DDX60L: variants seen among roughly 807,000 people sequenced by gnomAD.
DDX60L encodes DExD/H-box 60 like.
A neutral mutation model predicts 211.6 loss-of-function variants in DDX60L; 191 were observed. The ratio of observed to expected loss-of-function variants is 0.90; its 90% CI spans 0.80 to 1.02. The LOEUF (loss-of-function observed/expected upper bound fraction) is 1.02, where lower values mean the gene tolerates loss of function less well. Among genes scored for constraint, DDX60L ranks in the 50% least tolerant of loss-of-function variants. The pLI is 0.00. For synonymous variants in DDX60L, 706 were observed against 694.1 expected (o/e 1.02, Z -0.27); for missense variants, 2,007 against 1,984.1 (o/e 1.01, Z -0.22).
chr4:168,449,665 A>AAAAAAAAAAAAAAAAAAAAAAAT (rs1755474696), intron 8 of DDX60L, among the ~76,000 whole-genome samples: 1 of 28,500 alleles, frequency 3.5e-5, no homozygotes. Context: ...AAAAAAAAAA[A>AAAAAAAAAAAAAAAAAAAAAAAT]GAAAAAAGAA....
chr4:168,404,734 C>T lies in DDX60L; in HGVS notation c.3214-628G>A, dbSNP rs1314010491. On this transcript the variant is annotated intron_variant, in intron 24 of 37. Coordinates refer to ENST00000682922, the MANE Select transcript of DDX60L (RefSeq NM_001012967.3). ...ATAATTTTTTTATAAACAGCATCTACCTCTTTTTTAATCAGAAAAAATAAA... is the reference window on the plus strand; with the variant it reads ...ATAATTTTTTTATAAACAGCATCTATCTCTTTTTTAATCAGAAAAAATAAA... Among the ~76,000 whole-genome samples the T allele has an allele frequency of 2.6e-5, 4 of 152,160 alleles. No homozygotes were observed. In the East Asian group the frequency reaches 5.8e-4, roughly 22 times the overall value.
At chr4:168,368,931 G>T (rs1487114983) in intron 36 of DDX60L, among the ~76,000 whole-genome samples, 2 of 152,174 alleles carry the variant, frequency 1.3e-5, no homozygotes, top group East Asian at 3.8e-4. Context: ...CTGTATCTAG[G>T]AAGTAACTAA....
At chr4:168,370,494 G>A (rs1044697640) in intron 36 of DDX60L, among the ~76,000 whole-genome samples, 6 of 152,102 alleles carry the variant, frequency 3.9e-5, no homozygotes, top group African/African-American at 7.2e-5. Flanking sequence ...GTAGATAGGA[G>A]GAATAAGTTC....
chr4:168,424,178 GAC>G (rs1266478489), intron 14 of DDX60L, among the ~76,000 whole-genome samples: 1 of 152,136 alleles, frequency 6.6e-6, no homozygotes, highest in East Asian at 1.9e-4. Context: ...TTAGATGCCT[GAC>G]CAAAACATGA....
At position 168,471,728 on chromosome 4, in the gene DDX60L, A is replaced by T. The variant is rs747975851; in HGVS notation, c.264+19T>A. 2 of 1,569,756 alleles carry T rather than the reference A, an allele frequency of 1.3e-6. No homozygotes were observed. Among genetic ancestry groups the T allele is most frequent in the South Asian group, 2.4e-5 (2 of 83,430 alleles). ...ATAGTCTTCAAAGGACTAAAACGAC[A>T]TCAATCATCATATATTACCTTAAAG... On this transcript the variant is annotated intron_variant, in intron 4 of 37. Transcript: ENST00000682922.
intron 19 of DDX60L, 72 bp downstream of exon 19, chr4:168,419,230 T>C: frequency 9.3e-7 from 1 of 1,079,068 alleles, no homozygotes; most frequent in Non-Finnish European, 1.3e-6. Context: ...AAAAGCCCTA[T>C]ATTCTTTAAA....
intron 4 of DDX60L, among the ~76,000 whole-genome samples, chr4:168,463,178 C>T (rs1195472939): frequency 6.6e-6 from 1 of 152,162 alleles, no homozygotes; most frequent in Non-Finnish European, 1.5e-5. Context: ...AAGACACATG[C>T]ACGCATATGT....
chr4:168,411,565 G>A lies in DDX60L; in HGVS notation c.2979+3843C>T, dbSNP rs145844652. 4.4e-3 allele frequency among the ~76,000 whole-genome samples: 663 copies of A among 152,256 alleles called. 6 individuals carry two copies. The highest frequency in any genetic ancestry group is 0.016 in the African/African-American group (644 of 41,538). ...AGGAGAACTGCCCATCCCAGCAGTCGAAACCTGACTTCCAGGATGGGTAAT... is the reference window on the plus strand; with the variant it reads ...AGGAGAACTGCCCATCCCAGCAGTCAAAACCTGACTTCCAGGATGGGTAAT... On this transcript the variant is annotated intron_variant, in intron 22 of 37. Transcript: ENST00000682922.
intron 35 of DDX60L, among the ~76,000 whole-genome samples, chr4:168,372,531 G>C (rs1324495510): frequency 8.4e-6 from 1 of 118,592 alleles, no homozygotes; most frequent in Non-Finnish European, 1.8e-5. Context: ...TTCAAGATCA[G>C]ACTGGGCAAT....
chr4:168,408,653 T>A (rs138224890), intron 22 of DDX60L, among the ~76,000 whole-genome samples: 1 of 152,176 alleles, frequency 6.6e-6, no homozygotes, highest in Non-Finnish European at 1.5e-5. Context: ...GTAAAAAAGT[T>A]ACATACTAAG....
At chr4:168,430,419 G>T in intron 13 of DDX60L, 59 bp downstream of exon 13, 1 of 1,433,766 alleles carries the variant, frequency 7.0e-7, no homozygotes, top group Non-Finnish European at 9.3e-7. Flanking sequence ...ACAAATATGA[G>T]CCTAAAGAAA....
At position 168,372,295 on chromosome 4, in the gene DDX60L, A is replaced by G. The variant is rs374775725; in HGVS notation, c.4777-532T>C. The stretch of plus-strand genomic sequence containing the variant: ...GGCAGAAGAGGAGAAAATGAAGAGA[A>G]GCAAAACAAACAAACAAAAACTAAG... On this transcript the variant is annotated intron_variant, in intron 35 of 37. Transcript: ENST00000682922. Among the ~76,000 whole-genome samples the G allele has an allele frequency of 6.6e-5, 10 of 152,248 alleles. No homozygotes were observed. The East Asian group carries it at 1.4e-3, about 21-fold the overall frequency.
intron 31 of DDX60L, 80 bp from the exon 32 acceptor site, chr4:168,379,584 A>C: frequency 8.3e-7 from 1 of 1,208,462 alleles, no homozygotes; most frequent in East Asian, 2.5e-5. Flanking sequence ...TGACTGACAA[A>C]TATTACCTGA....
At chr4:168,402,327 A>G (rs528247215) in intron 25 of DDX60L, among the ~76,000 whole-genome samples, 2 of 152,218 alleles carry the variant, frequency 1.3e-5, no homozygotes, top group South Asian at 2.1e-4. Flanking sequence ...ACAGCATTAA[A>G]TGATTCTTCT....
chr4:168,403,249 G>A (rs913296751), intron 25 of DDX60L, among the ~76,000 whole-genome samples: 6 of 152,148 alleles, frequency 3.9e-5, no homozygotes, highest in East Asian at 1.9e-4. Flanking sequence ...CACGGACTTC[G>A]GATGCGTAAC....
chr4:168,447,888 G>C (rs1438321291), intron 9 of DDX60L, among the ~76,000 whole-genome samples: 1 of 116,700 alleles, frequency 8.6e-6, no homozygotes, highest in Non-Finnish European at 1.7e-5. Context: ...TGGGGTGGGG[G>C]GAGGGGGGAG....
At chr4:168,420,116 A>C (rs1228750403) in intron 18 of DDX60L, 145 bp downstream of exon 18, 3 of 694,952 alleles carry the variant, frequency 4.3e-6, no homozygotes, top group East Asian at 3.5e-5. Flanking sequence ...ACAACCTTAA[A>C]TTTTCCTTAG....
chr4:168,387,707 G>A (rs772475268), intron 29 of DDX60L, among the ~76,000 whole-genome samples: 1 of 152,154 alleles, frequency 6.6e-6, no homozygotes, highest in African/African-American at 2.4e-5. Context: ...GTAATTGGAC[G>A]ATCTGTGTAA....
chr4:168,375,250 T>C (rs1013165686), intron 34 of DDX60L, 127 bp downstream of exon 34: 2 of 920,300 alleles, frequency 2.2e-6, no homozygotes, highest in Non-Finnish European at 3.2e-6. Flanking sequence ...ATAAAACACT[T>C]GGGTTAGTAC....
Sources: gnomAD v4.1 joint callset for allele counts (sites outside exome capture counted in the v4.1 genomes callset) on GRCh38, gnomAD v4.1.1 for gene constraint, MANE v1.5 for transcripts, NCBI Gene and HGNC (gene_info 2026-07-23, HGNC 2026-07-21) for gene names.